Variants in RORA observed in about 807,000 individuals in gnomAD.
The protein encoded by RORA is RAR related orphan receptor A, also known as nuclear receptor ROR-alpha.
RORA carries 7 observed loss-of-function variants against 69.5 expected under a neutral mutation model. The observed-to-expected ratio is 0.10, with a 90% CI of 0.06 to 0.19. RORA has a LOEUF of 0.19. Among genes scored for constraint, RORA ranks in the 10% least tolerant of loss-of-function variants. The pLI is 1.00. For missense variants in RORA, 457 were observed against 663.0 expected (o/e 0.69, Z 3.41); for synonymous variants, 261 against 240.8 (o/e 1.08, Z -0.78).
chr15:61,039,915 A>T (rs1671995273), intron 1 of RORA, among the ~76,000 whole-genome samples: 1 of 151,496 alleles, frequency 6.6e-6, no homozygotes, highest in Admixed American at 6.6e-5. Flanking sequence ...CAAAGGACCC[A>T]GGTAATTCTG....
chr15:60,936,911 G>A (rs1399282367), intron 1 of RORA, among the ~76,000 whole-genome samples: 4 of 152,208 alleles, frequency 2.6e-5, no homozygotes, highest in African/African-American at 7.2e-5. Context: ...CTGTGCTGAT[G>A]TAAGGGATGG....
intron 1 of RORA, among the ~76,000 whole-genome samples, chr15:60,852,556 C>T (rs79109021): frequency 0.012 from 1,798 of 152,278 alleles, 23 homozygotes; most frequent in Non-Finnish European, 0.019. Context: ...GTCAGCTTCG[C>T]TTTGACAAGT....
intron 1 of RORA, among the ~76,000 whole-genome samples, chr15:60,726,020 A>AG (rs1006443991): frequency 1.3e-5 from 2 of 152,196 alleles, no homozygotes; most frequent in Non-Finnish European, 2.9e-5. Context: ...ACTAGGTACC[A>AG]GGCTAAATGA....
chr15:61,199,827 G>C (rs185552838), intron 1 of RORA, among the ~76,000 whole-genome samples: 1 of 152,320 alleles, frequency 6.6e-6, no homozygotes, highest in Non-Finnish European at 1.5e-5. Flanking sequence ...ATACCTGACT[G>C]AGGAATTTCA....
intron 2 of RORA, among the ~76,000 whole-genome samples, chr15:60,585,750 A>T (rs748787043): frequency 3.7e-4 from 57 of 152,232 alleles, no homozygotes; most frequent in African/African-American, 1.1e-3. Flanking sequence ...TAAGTTAAAA[A>T]TTTTTTTTCC....
chr15:60,831,674 T>C (rs887850449), intron 1 of RORA, among the ~76,000 whole-genome samples: 1 of 152,154 alleles, frequency 6.6e-6, no homozygotes, highest in African/African-American at 2.4e-5. Context: ...TCCAGATGAA[T>C]CTTTCTCAAG....
chr15:60,707,424 C>A (rs1427752602), intron 1 of RORA, among the ~76,000 whole-genome samples: 1 of 151,420 alleles, frequency 6.6e-6, no homozygotes. Flanking sequence ...AGTGCAATGG[C>A]GTGATCTCGG....
At chr15:61,218,912 T>C (rs1286525144) in intron 1 of RORA, among the ~76,000 whole-genome samples, 1 of 152,194 alleles carries the variant, frequency 6.6e-6, no homozygotes, top group Non-Finnish European at 1.5e-5. Flanking sequence ...AATCCTCTAC[T>C]TTGAGAAAAC....
intron 2 of RORA, among the ~76,000 whole-genome samples, chr15:60,617,773 G>A (rs1254394457): frequency 4.6e-5 from 7 of 151,350 alleles, no homozygotes; most frequent in Non-Finnish European, 1.0e-4. Context: ...CCTGGCGATG[G>A]GCAGATTTGC....
At chr15:60,813,763 T>G (rs966774848) in intron 1 of RORA, among the ~76,000 whole-genome samples, 4 of 152,218 alleles carry the variant, frequency 2.6e-5, no homozygotes, top group African/African-American at 9.6e-5. Context: ...AAAGTACTTT[T>G]ACCTGTGTTG....
intron 1 of RORA, among the ~76,000 whole-genome samples, chr15:61,034,518 T>C (rs542830240): frequency 2.0e-5 from 3 of 152,138 alleles, no homozygotes; most frequent in Admixed American, 6.6e-5. Flanking sequence ...AGTTATAGCT[T>C]ACAGGTCAGG....
chr15:60,960,046 A>AT (rs1157878922), intron 1 of RORA, among the ~76,000 whole-genome samples: 8 of 152,010 alleles, frequency 5.3e-5, no homozygotes, highest in Middle Eastern at 3.4e-3. Flanking sequence ...TGAAAACAGG[A>AT]TTTTTTTTGT....
At chr15:60,634,391 T>G (rs1202655695) in intron 2 of RORA, among the ~76,000 whole-genome samples, 2 of 141,728 alleles carry the variant, frequency 1.4e-5, no homozygotes, top group Non-Finnish European at 3.0e-5. Flanking sequence ...AGAGAAGCAG[T>G]GCTACCACTT....
At chr15:60,850,053 A>AT (rs1320574061) in intron 1 of RORA, among the ~76,000 whole-genome samples, 1 of 152,174 alleles carries the variant, frequency 6.6e-6, no homozygotes, top group African/African-American at 2.4e-5. Flanking sequence ...CCCTGTGGTC[A>AT]TTTTAACAAG....
intron 3 of RORA, among the ~76,000 whole-genome samples, chr15:60,516,237 ATATATATATATT>A (rs2065951078): frequency 2.4e-5 from 1 of 42,328 alleles, no homozygotes; most frequent in African/African-American, 1.8e-4. Flanking sequence ...ATATATATTT[ATATATATATATT>A]TATATATATA....
chr15:61,116,279 A>T (rs1299413808), intron 1 of RORA, among the ~76,000 whole-genome samples: 1 of 152,184 alleles, frequency 6.6e-6, no homozygotes, highest in Non-Finnish European at 1.5e-5. Context: ...ATGACTCCTG[A>T]GCAAATTATC....
At chr15:61,178,311 G>A (rs868768263) in intron 1 of RORA, among the ~76,000 whole-genome samples, 1 of 152,118 alleles carries the variant, frequency 6.6e-6, no homozygotes, top group South Asian at 2.1e-4. Flanking sequence ...AGAAGGCAAG[G>A]AAAATTGAAT....
intron 9 of RORA, 44 bp from the exon 10 acceptor site, chr15:60,500,048 G>T: frequency 8.4e-7 from 1 of 1,195,356 alleles, no homozygotes; most frequent in Admixed American, 1.9e-5. Context: ...CTCTGACATG[G>T]TGTCAGGATC....
At chr15:61,214,943 T>C (rs943323531) in intron 1 of RORA, among the ~76,000 whole-genome samples, 12 of 148,182 alleles carry the variant, frequency 8.1e-5, no homozygotes, top group African/African-American at 2.0e-4. Context: ...CGGCTCACTG[T>C]AAGCTCCGCC....
Sources: allele counts gnomAD v4.1 joint callset (sites outside exome capture counted in the v4.1 genomes callset), GRCh38; gene constraint gnomAD v4.1.1; transcripts MANE v1.5; gene names NCBI Gene and HGNC (gene_info 2026-07-23, HGNC 2026-07-21).